MARCHF11: variants seen among roughly 807,000 people sequenced by gnomAD.
MARCHF11 encodes the protein membrane associated ring-CH-type finger 11.
In MARCHF11, 29 loss-of-function variants were observed where a neutral mutation model predicts 37.3. That is an observed-to-expected ratio of 0.78 (90% confidence interval 0.58 to 1.06). The LOEUF is 1.06. Among genes scored for constraint, MARCHF11 ranks in the 50% least tolerant of loss-of-function variants. The pLI is 0.00. For synonymous variants in MARCHF11, 233 were observed against 228.0 expected (o/e 1.02, Z -0.20); for missense variants, 482 against 533.4 (o/e 0.90, Z 0.95).
rs939164738 is a variant in MARCHF11 at position 16,080,745 on chromosome 5, C to T, written c.886+10144G>A. Among the ~76,000 whole-genome samples, 10 of 152,322 alleles carry T rather than the reference C, an allele frequency of 6.6e-5. No homozygotes were observed. The East Asian group carries it at 1.4e-3, about 21-fold the overall frequency. On this transcript the variant is annotated intron_variant, in intron 3 of 3. Coordinates refer to ENST00000332432, the MANE Select transcript of MARCHF11 (RefSeq NM_001102562.3). ...GATTAATCCCTTTTAATTCTAGCAG[C>T]TTCCCAGCAGTCTTAATGCAGGCCT... is the stretch of plus-strand genomic sequence containing the variant.
chr5:16,168,429 A>G (rs1292648527), intron 2 of MARCHF11, among the ~76,000 whole-genome samples: 1 of 152,112 alleles, frequency 6.6e-6, no homozygotes, highest in Non-Finnish European at 1.5e-5. Flanking sequence ...ATGTCTTTCA[A>G]TTACTTCTCA....
At chr5:16,138,216 C>T (rs1411457706) in intron 2 of MARCHF11, among the ~76,000 whole-genome samples, 1 of 152,154 alleles carries the variant, frequency 6.6e-6, no homozygotes, top group East Asian at 1.9e-4. Flanking sequence ...ATGGTTACAT[C>T]AGCGGAGCTC....
In MARCHF11 at chr5:16,179,212, A is replaced by G; in HGVS notation, c.364T>C (p.Ser122Pro). Residue 122 changes from serine to proline, a missense_variant, in exon 1 of 4, where the codon TCT becomes CCT. Transcript: ENST00000332432. ...CGCTCGCCGCCCGCGCCGGCCTCAGACTCCCCGGGGCCGCCTTTCGCTGCT... is the reference window on the plus strand; with the variant it reads ...CGCTCGCCGCCCGCGCCGGCCTCAGGCTCCCCGGGGCCGCCTTTCGCTGCT... ...AAAAKGGPGE[S>P]EAGAGGERER... 1.5e-6 allele frequency: 2 copies of G among 1,343,774 alleles called. No homozygotes were observed. The highest frequency in any genetic ancestry group is 1.9e-5 in the South Asian group (1 of 53,656). The allele number at this position is 1,343,774 out of a possible 1,614,324, so 83.2% of individuals were successfully genotyped here.
At chr5:16,080,890 C>T (rs1377502369) in intron 3 of MARCHF11, among the ~76,000 whole-genome samples, 1 of 152,162 alleles carries the variant, frequency 6.6e-6, no homozygotes, top group East Asian at 1.9e-4. Flanking sequence ...TTCAGGGATC[C>T]TTCTGGGGCT....
chr5:16,166,771 A>C (rs1448242142), intron 2 of MARCHF11, among the ~76,000 whole-genome samples: 1 of 152,058 alleles, frequency 6.6e-6, no homozygotes, highest in African/African-American at 2.4e-5. Context: ...GCTTAAGCAA[A>C]GCATGAGTTT....
intron 2 of MARCHF11, among the ~76,000 whole-genome samples, chr5:16,103,902 C>A (rs1044582790): frequency 6.6e-6 from 1 of 152,088 alleles, no homozygotes; most frequent in African/African-American, 2.4e-5. Context: ...GGCATGTAAG[C>A]GAAGTTCTCA....
At chr5:16,092,520 G>C (rs891077350) in intron 2 of MARCHF11, among the ~76,000 whole-genome samples, 3 of 152,112 alleles carry the variant, frequency 2.0e-5, no homozygotes, top group Admixed American at 2.0e-4. Flanking sequence ...TATTTCATAA[G>C]TGGGAGTTGA....
At chr5:16,108,844 G>T (rs1323744057) in intron 2 of MARCHF11, among the ~76,000 whole-genome samples, 1 of 152,106 alleles carries the variant, frequency 6.6e-6, no homozygotes, top group Non-Finnish European at 1.5e-5. Flanking sequence ...GCAGAGCTCT[G>T]CTTGGAGTGC....
intron 2 of MARCHF11, among the ~76,000 whole-genome samples, chr5:16,144,113 T>C (rs1264536966): frequency 6.6e-6 from 1 of 152,142 alleles, no homozygotes; most frequent in African/African-American, 2.4e-5. Flanking sequence ...GGACTAATAA[T>C]AAAACTAACA....
intron 2 of MARCHF11, among the ~76,000 whole-genome samples, chr5:16,152,292 A>C (rs555169189): frequency 1.3e-5 from 2 of 152,078 alleles, no homozygotes; most frequent in African/African-American, 4.8e-5. Flanking sequence ...CCATTTCTAA[A>C]GCTGAGATTT....
chr5:16,093,508 G>C (rs1418614785), intron 2 of MARCHF11, among the ~76,000 whole-genome samples: 3 of 152,050 alleles, frequency 2.0e-5, no homozygotes, highest in African/African-American at 7.2e-5. Context: ...TGTTTCCTGG[G>C]ACCCAGGAAA....
At chr5:16,126,930 A>C (rs1263492781) in intron 2 of MARCHF11, among the ~76,000 whole-genome samples, 1 of 152,162 alleles carries the variant, frequency 6.6e-6, no homozygotes, top group East Asian at 1.9e-4. Flanking sequence ...AATTGGGGGA[A>C]TATTTTTAAG....
chr5:16,116,821 A>G (rs1737233162), intron 2 of MARCHF11, among the ~76,000 whole-genome samples: 2 of 152,336 alleles, frequency 1.3e-5, no homozygotes, highest in South Asian at 4.1e-4. Flanking sequence ...GCATCTTTAT[A>G]ATAGAAGTTG....
intron 2 of MARCHF11, among the ~76,000 whole-genome samples, chr5:16,094,366 C>A (rs535420122): frequency 6.6e-6 from 1 of 152,200 alleles, no homozygotes; most frequent in African/African-American, 2.4e-5. Flanking sequence ...TCTCGTGGGA[C>A]TTCTCTCTCT....
rs768683978 is a variant in MARCHF11, at chr5:16,179,059, A to G, written c.517T>C (p.Cys173Arg). The change falls in exon 1 of 4, where the codon TGC becomes CGC. Residue 173 changes from cysteine (C) to arginine (R), a missense_variant. Transcript: ENST00000332432. ...HQHHQPICKI[C>R]FQGAEQGELL... is the part of the protein sequence containing the mutation. ...CTTACCTGCTCCGCGCCCTGGAAGC[A>G]GATCTTGCAGATGGGCTGGTGGTGC... is the stretch of plus-strand genomic sequence containing the variant. The G allele has an allele frequency of 1.3e-6, 2 of 1,487,240 alleles. No individual in the cohort carries two copies. Among genetic ancestry groups the G allele is most frequent in the Non-Finnish European group, 8.9e-7 (1 of 1,125,234 alleles). The allele number at this position is 1,487,240 out of a possible 1,614,324, so 92.1% of individuals were successfully genotyped here. A position where few individuals can be genotyped will look rare whatever the true frequency, so the allele number is the denominator to read the frequency against.
intron 2 of MARCHF11, chr5:16,141,187 T>C (rs576012555): frequency 1.4e-4 from 22 of 152,172 alleles, no homozygotes; most frequent in African/African-American, 7.2e-5. Context: ...ACAGGAGGCA[T>C]TGGAGAAGGT....
chr5:16,097,276 T>G (rs1373115968), intron 2 of MARCHF11, among the ~76,000 whole-genome samples: 1 of 152,226 alleles, frequency 6.6e-6, no homozygotes, highest in Non-Finnish European at 1.5e-5. Context: ...TATACGCCCT[T>G]TCTTTGTAGA....
chr5:16,109,804 G>C (rs1173977695), intron 2 of MARCHF11, among the ~76,000 whole-genome samples: 1 of 152,194 alleles, frequency 6.6e-6, no homozygotes, highest in Non-Finnish European at 1.5e-5. Context: ...CAGGTCAACT[G>C]TGTCAGAATT....
intron 2 of MARCHF11, among the ~76,000 whole-genome samples, chr5:16,139,225 G>A (rs568255142): frequency 6.6e-6 from 1 of 152,196 alleles, no homozygotes; most frequent in Non-Finnish European, 1.5e-5. Context: ...TCATGGGGGT[G>A]GGTTTTTCCC....
Sources: gnomAD v4.1 joint callset for allele counts (sites outside exome capture counted in the v4.1 genomes callset) on GRCh38, gnomAD v4.1.1 for gene constraint, MANE v1.5 for transcripts, NCBI Gene and HGNC (gene_info 2026-07-23, HGNC 2026-07-21) for gene names.